The following CDH18 variants were observed in gnomAD, a reference collection of about 807,000 sequenced individuals.
CDH18 encodes the protein cadherin 18.
Under a neutral mutation model 67.9 loss-of-function variants are expected in CDH18, and 31 were observed. The ratio of observed to expected loss-of-function variants is 0.46; its 90% confidence interval spans 0.34 to 0.62. The LOEUF (loss-of-function observed/expected upper bound fraction) is 0.62. CDH18 is among the 20% of genes least tolerant of loss of function. CDH18 has a pLI of 0.01. For synonymous variants in CDH18, 362 were observed against 347.2 expected, an observed-to-expected ratio of 1.04 and a Z score of -0.48; for missense variants, 890 against 975.5, an observed-to-expected ratio of 0.91 and a Z score of 1.17.
chr5:19,840,394 G>T (rs188441988), intron 2 of CDH18, among the ~76,000 whole-genome samples: 1 of 152,126 alleles, frequency 6.6e-6, no homozygotes, highest in African/African-American at 2.4e-5. Flanking sequence ...GACAGGATAT[G>T]GGAGAGAAAA....
At chr5:19,513,777 G>C (rs1472149547) in intron 10 of CDH18, among the ~76,000 whole-genome samples, 1 of 151,682 alleles carries the variant, frequency 6.6e-6, no homozygotes, top group African/African-American at 2.4e-5. Context: ...CATGGAACTT[G>C]TTTTTTCATT....
chr5:19,806,871 T>C (rs1215383634), intron 3 of CDH18, among the ~76,000 whole-genome samples: 1 of 152,176 alleles, frequency 6.6e-6, no homozygotes, highest in Non-Finnish European at 1.5e-5. Flanking sequence ...ATTCATTGCT[T>C]AGTGTGTGTC....
chr5:20,070,455 T>G (rs1743384232), intron 2 of CDH18, among the ~76,000 whole-genome samples: 2 of 152,174 alleles, frequency 1.3e-5, no homozygotes, highest in Admixed American at 1.3e-4. Context: ...TTTAGAGGTA[T>G]GTTTGTCTCC....
chr5:19,547,151 C>T (rs1302556332), intron 8 of CDH18, among the ~76,000 whole-genome samples: 1 of 152,072 alleles, frequency 6.6e-6, no homozygotes, highest in Non-Finnish European at 1.5e-5. Context: ...ATCCCTTTCC[C>T]AGAGGAAAAA....
chr5:20,485,732 T>A (rs962827865), intron 1 of CDH18, among the ~76,000 whole-genome samples: 7 of 152,152 alleles, frequency 4.6e-5, no homozygotes, highest in African/African-American at 1.4e-4. Context: ...CCTCTATAAG[T>A]GCATCTTTAT....
At chr5:19,796,420 C>T (rs1776861760) in intron 3 of CDH18, among the ~76,000 whole-genome samples, 1 of 152,064 alleles carries the variant, frequency 6.6e-6, no homozygotes, top group South Asian at 2.1e-4. Flanking sequence ...AAACCTGGTG[C>T]AGTATTTTGC....
chr5:20,095,424 A>G (rs1374410690), intron 2 of CDH18, among the ~76,000 whole-genome samples: 2 of 145,064 alleles, frequency 1.4e-5, no homozygotes, highest in East Asian at 4.1e-4. Context: ...AGAAAGAAAG[A>G]AAGAAAGAAA....
chr5:19,695,835 A>T (rs921813612), intron 5 of CDH18, among the ~76,000 whole-genome samples: 2 of 152,186 alleles, frequency 1.3e-5, no homozygotes, highest in East Asian at 3.9e-4. Flanking sequence ...GAGCGAGTTC[A>T]TCATCAGTAT....
At chr5:20,210,322 CAA>C (rs1256068289) in intron 2 of CDH18, among the ~76,000 whole-genome samples, 1 of 151,808 alleles carries the variant, frequency 6.6e-6, no homozygotes, top group Non-Finnish European at 1.5e-5. Flanking sequence ...AACAGAAAGC[CAA>C]AGAGTTTTCT....
At chr5:19,576,093 T>A (rs935472030) in intron 7 of CDH18, among the ~76,000 whole-genome samples, 5 of 152,020 alleles carry the variant, frequency 3.3e-5, no homozygotes, top group African/African-American at 1.2e-4. Context: ...CTTACAAGAA[T>A]CAGCTCAAAA....
At chr5:19,529,248 T>C (rs116692466) in intron 9 of CDH18, among the ~76,000 whole-genome samples, 2,198 of 151,936 alleles carry the variant, frequency 0.014, 21 homozygotes, top group South Asian at 0.032. Context: ...CTGCACACAT[T>C]CAATACACAC....
chr5:19,750,121 T>C (rs1480850627), intron 3 of CDH18, among the ~76,000 whole-genome samples: 2 of 152,066 alleles, frequency 1.3e-5, no homozygotes, highest in African/African-American at 4.8e-5. Context: ...AATAAGCAGA[T>C]TCCCATGTAA....
At chr5:20,563,751 A>C (rs1444097491) in intron 1 of CDH18, among the ~76,000 whole-genome samples, 2 of 152,132 alleles carry the variant, frequency 1.3e-5, no homozygotes, top group African/African-American at 4.8e-5. Context: ...ATACTAACTG[A>C]TATGTTAGAG....
intron 2 of CDH18, among the ~76,000 whole-genome samples, chr5:20,080,082 T>G (rs1056960092): frequency 3.9e-5 from 6 of 152,158 alleles, no homozygotes; most frequent in Admixed American, 2.6e-4. Context: ...AAATATTCAG[T>G]TCATAGCAAG....
chr5:19,754,578 A>G (rs1771281460), intron 3 of CDH18, among the ~76,000 whole-genome samples: 1 of 152,192 alleles, frequency 6.6e-6, no homozygotes, highest in African/African-American at 2.4e-5. Flanking sequence ...GGATTTCAAT[A>G]TCCCACAGAC....
chr5:19,725,830 G>A (rs1476548654), intron 4 of CDH18, among the ~76,000 whole-genome samples: 1 of 152,048 alleles, frequency 6.6e-6, no homozygotes, highest in African/African-American at 2.4e-5. Flanking sequence ...ACAGTTCTAG[G>A]CACATAGAGA....
intron 1 of CDH18, among the ~76,000 whole-genome samples, chr5:20,549,691 T>A (rs1389325304): frequency 6.6e-6 from 1 of 152,094 alleles, no homozygotes; most frequent in Non-Finnish European, 1.5e-5. Context: ...GAGGCAAGAT[T>A]CAATTAGACA....
chr5:20,432,727 A>G (rs1007627062), intron 1 of CDH18, among the ~76,000 whole-genome samples: 5 of 151,938 alleles, frequency 3.3e-5, no homozygotes, highest in African/African-American at 1.2e-4. Flanking sequence ...ATTGAATTAC[A>G]GCCTGAGCTA....
chr5:20,046,975 G>A (rs192693704), intron 2 of CDH18, among the ~76,000 whole-genome samples: 16 of 151,968 alleles, frequency 1.1e-4, no homozygotes, highest in Admixed American at 5.9e-4. Context: ...TGCACGTTGT[G>A]CACATGTACC....
Sources: gnomAD v4.1 joint callset for allele counts (sites outside exome capture counted in the v4.1 genomes callset) on GRCh38, gnomAD v4.1.1 for gene constraint, MANE v1.5 for transcripts, NCBI Gene and HGNC (gene_info 2026-07-23, HGNC 2026-07-21) for gene names.